Variants in SOX6 observed in about 807,000 individuals in gnomAD.
SOX6 encodes the protein SRY-box transcription factor 6.
SOX6 carries 11 observed loss-of-function variants against 97.8 expected under a neutral mutation model. That is an observed-to-expected ratio of 0.11 (90% CI 0.07 to 0.19). The LOEUF (loss-of-function observed/expected upper bound fraction) is 0.19, where lower values mean the gene tolerates loss of function less well. Ranked by LOEUF, SOX6 falls within the 10% of genes least tolerant of loss-of-function variation. The probability of loss-of-function intolerance (pLI) is 1.00; values close to 1 mark genes in which losing one functional copy is unlikely to be tolerated. For synonymous variants in SOX6, 360 were observed against 371.4 expected, an observed-to-expected ratio of 0.97 and a Z score of 0.35; for missense variants, 810 against 1,039.5, an observed-to-expected ratio of 0.78 and a Z score of 3.04.
intron 3 of SOX6, among the ~76,000 whole-genome samples, chr11:16,660,837 C>T (rs1369424715): frequency 6.6e-6 from 1 of 152,148 alleles, no homozygotes; most frequent in Non-Finnish European, 1.5e-5. Flanking sequence ...TATGCTAGTG[C>T]CTTGATCCTG....
intron 3 of SOX6, among the ~76,000 whole-genome samples, chr11:16,282,405 A>T (rs1293116754): frequency 2.0e-5 from 3 of 151,686 alleles, no homozygotes. Context: ...AATAAAGTTT[A>T]TTTTTAAAAT....
chr11:16,181,174 T>TA (rs1242335555), intron 6 of SOX6, among the ~76,000 whole-genome samples: 1 of 151,622 alleles, frequency 6.6e-6, no homozygotes, highest in African/African-American at 2.4e-5. Flanking sequence ...TCATGACCCA[T>TA]AGCCAGTTGC....
intron 9 of SOX6, among the ~76,000 whole-genome samples, chr11:16,069,476 T>C (rs1848172425): frequency 6.6e-6 from 1 of 152,240 alleles, no homozygotes; most frequent in African/African-American, 2.4e-5. Context: ...ACCATTATCC[T>C]TAAAGAGAAA....
intron 1 of SOX6, among the ~76,000 whole-genome samples, chr11:16,419,174 A>G (rs1192507939): frequency 6.6e-6 from 1 of 152,130 alleles, no homozygotes. Context: ...TACTATTCAT[A>G]ATGCTACAAC....
At chr11:16,445,916 C>A (rs186514231) in intron 1 of SOX6, among the ~76,000 whole-genome samples, 1 of 152,222 alleles carries the variant, frequency 6.6e-6, no homozygotes, top group Non-Finnish European at 1.5e-5. Context: ...ACAATATCTA[C>A]AGACCAATCT....
chr11:16,035,982 T>C (rs1855507820), intron 12 of SOX6, among the ~76,000 whole-genome samples: 1 of 152,070 alleles, frequency 6.6e-6, no homozygotes, highest in East Asian at 1.9e-4. Context: ...ACCCTGTGGC[T>C]GGATTTGGGC....
intron 3 of SOX6, among the ~76,000 whole-genome samples, chr11:16,242,340 G>A (rs1173034164): frequency 6.6e-6 from 1 of 151,886 alleles, no homozygotes; most frequent in Non-Finnish European, 1.5e-5. Flanking sequence ...ATACTATATA[G>A]CCTAGGTGTG....
At chr11:16,070,028 G>A (rs889755161) in intron 9 of SOX6, among the ~76,000 whole-genome samples, 42 of 152,154 alleles carry the variant, frequency 2.8e-4, no homozygotes, top group African/African-American at 8.9e-4. Flanking sequence ...GGTGGCGGGC[G>A]CCTGTAGTCC....
intron 4 of SOX6, among the ~76,000 whole-genome samples, chr11:16,562,029 T>A (rs919318420): frequency 6.6e-6 from 1 of 152,150 alleles, no homozygotes; most frequent in Admixed American, 6.5e-5. Context: ...GCCCAGCCCC[T>A]TATTTGCCTT....
chr11:16,193,350 C>T (rs1054405875), intron 4 of SOX6, among the ~76,000 whole-genome samples: 7 of 151,620 alleles, frequency 4.6e-5, no homozygotes, highest in East Asian at 1.9e-4. Flanking sequence ...CCAGTCTGGG[C>T]GACAGGGTGA....
intron 6 of SOX6, among the ~76,000 whole-genome samples, chr11:16,128,951 C>G (rs1849672001): frequency 6.6e-6 from 1 of 152,092 alleles, no homozygotes; most frequent in Non-Finnish European, 1.5e-5. Flanking sequence ...ACCTCCACCT[C>G]CCAGATTCAA....
intron 4 of SOX6, among the ~76,000 whole-genome samples, chr11:16,543,805 T>A (rs1847583369): frequency 6.6e-6 from 1 of 152,276 alleles, no homozygotes; most frequent in East Asian, 1.9e-4. Context: ...AATGTGCACA[T>A]GCTGTGGAAA....
At chr11:16,410,422 C>A (rs1248161423) in intron 1 of SOX6, among the ~76,000 whole-genome samples, 1 of 151,950 alleles carries the variant, frequency 6.6e-6, no homozygotes, top group African/African-American at 2.4e-5. Context: ...GCAATGACAT[C>A]TATGATCTAA....
chr11:16,055,826 T>C lies in SOX6; in HGVS notation c.1177A>G (p.Asn393Asp), dbSNP rs1189401060. The change falls in exon 10 of 16, where the codon AAC becomes GAC. Residue 393 changes from asparagine to aspartate, a missense_variant. Asn to Asp is a conservative substitution (Grantham distance 23). Around this residue, in one of 9 missense-constraint regions of SOX6, gnomAD observed 244 missense variants for 261.0 expected, o/e 0.93. Coordinates refer to ENST00000683767, the MANE Select transcript of SOX6 (RefSeq NM_001367873.1). Reference sequence around the variant, plus strand: ...GTAGGTGAGACCGTCCCTGCTGTGTTTGGTGGCTGTGGAGTTGATGGCATC... The same window carrying C: ...GTAGGTGAGACCGTCCCTGCTGTGTCTGGTGGCTGTGGAGTTGATGGCATC... ...AKMPSTPQPP[N>D]TAGTVSPTGI... 3 of 1,613,742 alleles carry C rather than the reference T, an allele frequency of 1.9e-6. No homozygotes were observed. In the South Asian group the frequency reaches 3.3e-5, roughly 18 times the overall value.
intron 8 of SOX6, among the ~76,000 whole-genome samples, chr11:16,097,177 A>G (rs1018166241): frequency 1.3e-5 from 2 of 151,894 alleles, no homozygotes; most frequent in Non-Finnish European, 2.9e-5. Flanking sequence ...CAAAATAATT[A>G]TCATGTAATT....
chr11:16,309,008 T>C (rs889196785), intron 3 of SOX6, among the ~76,000 whole-genome samples: 3 of 152,212 alleles, frequency 2.0e-5, no homozygotes, highest in East Asian at 1.9e-4. Flanking sequence ...CCAAAAGGTA[T>C]AGACAGTTAA....
intron 1 of SOX6, among the ~76,000 whole-genome samples, chr11:16,380,281 G>A (rs149745892): frequency 4.3e-4 from 65 of 152,090 alleles, no homozygotes; most frequent in African/African-American, 1.4e-3. Context: ...TTGCAAAACA[G>A]CATGTGCAAT....
chr11:16,209,775 TA>T (rs1354001937), intron 4 of SOX6, among the ~76,000 whole-genome samples: 1 of 151,976 alleles, frequency 6.6e-6, no homozygotes, highest in Non-Finnish European at 1.5e-5. Flanking sequence ...AAATTATATA[TA>T]TTTTTTTTTC....
intron 6 of SOX6, among the ~76,000 whole-genome samples, chr11:16,123,624 G>A (rs1270427730): frequency 6.6e-6 from 1 of 151,976 alleles, no homozygotes; most frequent in Non-Finnish European, 1.5e-5. Context: ...GCACAGTAAT[G>A]TCATTTTGGA....
Sources: allele counts gnomAD v4.1 joint callset (sites outside exome capture counted in the v4.1 genomes callset), GRCh38; gene constraint gnomAD v4.1.1; regional missense constraint gnomAD v4.1.1; transcripts MANE v1.5; gene names NCBI Gene and HGNC (gene_info 2026-07-23, HGNC 2026-07-21).